PPM1H: variants seen among roughly 807,000 people sequenced by gnomAD.
The protein encoded by PPM1H is protein phosphatase 1H.
A neutral mutation model predicts 54.9 loss-of-function variants in PPM1H; 27 were observed. The ratio of observed to expected loss-of-function variants is 0.49; its 90% CI spans 0.36 to 0.68. PPM1H has a LOEUF of 0.68. Among genes scored for constraint, PPM1H ranks in the 30% least tolerant of loss-of-function variants. The pLI, the probability that PPM1H is intolerant of heterozygous loss-of-function variation, is 0.00. For missense variants in PPM1H, 596 were observed against 667.8 expected, an observed-to-expected ratio of 0.89 and a Z score of 1.19; for synonymous variants, 305 against 270.8, an observed-to-expected ratio of 1.13 and a Z score of -1.24.
At chr12:62,739,570 G>T (rs2076370972) in intron 4 of PPM1H, among the ~76,000 whole-genome samples, 1 of 151,978 alleles carries the variant, frequency 6.6e-6, no homozygotes, top group South Asian at 2.1e-4. Flanking sequence ...TTTTCTGCAC[G>T]GCCCCTGAAT....
intron 1 of PPM1H, among the ~76,000 whole-genome samples, chr12:62,921,968 A>G (rs1871813699): frequency 6.6e-6 from 1 of 152,244 alleles, no homozygotes; most frequent in Admixed American, 6.5e-5. Context: ...CACATGCTGT[A>G]TTTATTAACT....
At chr12:62,861,773 C>T (rs189749205) in intron 1 of PPM1H, among the ~76,000 whole-genome samples, 1 of 152,312 alleles carries the variant, frequency 6.6e-6, no homozygotes, top group Non-Finnish European at 1.5e-5. Flanking sequence ...ATCTAGGGCA[C>T]CGTGGTGCTT....
At chr12:62,820,918 A>T (rs2076899322) in intron 2 of PPM1H, among the ~76,000 whole-genome samples, 1 of 152,226 alleles carries the variant, frequency 6.6e-6, no homozygotes, top group African/African-American at 2.4e-5. Context: ...ATGGAGAATG[A>T]CTTTGACAAG....
chr12:62,692,220 C>G (rs1370281279), intron 7 of PPM1H, among the ~76,000 whole-genome samples: 1 of 152,110 alleles, frequency 6.6e-6, no homozygotes, highest in African/African-American at 2.4e-5. Flanking sequence ...GTGGTATCTA[C>G]CAACAAAAGC....
At chr12:62,661,786 A>C (rs1348081095) in intron 9 of PPM1H, among the ~76,000 whole-genome samples, 1 of 152,114 alleles carries the variant, frequency 6.6e-6, no homozygotes, top group Non-Finnish European at 1.5e-5. Flanking sequence ...ACTCAAGCTT[A>C]AGCCATCTTC....
rs181931702 is a variant in PPM1H at position 62,646,259 on chromosome 12, A to T, written c.*2230T>A. ...TCTAGAGTTATTCCTGAGACGTGCC[A>T]TAGCAGTAAATGAATTGGTGAATTG... On this transcript the variant is annotated 3_prime_UTR_variant, in exon 10 of 10. Transcript: ENST00000228705. 2 of 152,356 alleles carry T rather than the reference A, an allele frequency of 1.3e-5. No individual in the cohort carries two copies. The highest frequency in any genetic ancestry group is 3.9e-4 in the East Asian group (2 of 5,186). The allele number at this position is 152,356 out of a possible 1,614,324, so 9.4% of individuals were successfully genotyped here. A position where few individuals can be genotyped will look rare whatever the true frequency, so the allele number is the denominator to read the frequency against.
intron 5 of PPM1H, among the ~76,000 whole-genome samples, chr12:62,724,002 A>G (rs1365166601): frequency 6.6e-6 from 1 of 152,160 alleles, no homozygotes; most frequent in Admixed American, 6.6e-5. Flanking sequence ...AAAATAGATC[A>G]TTAAGACCCG....
intron 6 of PPM1H, among the ~76,000 whole-genome samples, chr12:62,712,125 G>A (rs1263052876): frequency 6.6e-6 from 1 of 152,164 alleles, no homozygotes; most frequent in Non-Finnish European, 1.5e-5. Flanking sequence ...CCCATGTGGG[G>A]CTGACCCATT....
Position 62,832,095 on chromosome 12 carries a change from G to C in PPM1H, c.411+19C>G. 1 of 1,611,770 alleles carries C rather than the reference G, an allele frequency of 6.2e-7. No homozygotes were observed. ...GCCATTCTTCTCACCTGAGAACCAAGGATCGAGAAGGGTCTTACCGAGTTC... is the reference window on the plus strand; with the variant it reads ...GCCATTCTTCTCACCTGAGAACCAACGATCGAGAAGGGTCTTACCGAGTTC... On this transcript the variant is annotated intron_variant, in intron 2 of 9. Transcript: ENST00000228705.
intron 2 of PPM1H, among the ~76,000 whole-genome samples, chr12:62,806,640 C>T (rs1176510787): frequency 6.6e-6 from 1 of 152,094 alleles, no homozygotes; most frequent in African/African-American, 2.4e-5. Context: ...GTGTGTAGCA[C>T]CTCCCCCTTC....
rs563984585 is a variant in PPM1H at position 62,799,382 on chromosome 12, C to A, written c.756+2434G>T. Among the ~76,000 whole-genome samples, 4 of 152,264 alleles carry A rather than the reference C, an allele frequency of 2.6e-5. No individual in the cohort carries two copies. The South Asian group carries it at 8.3e-4, about 32-fold the overall frequency. ...AAAAGATGTCCTGTGGCACTAGTCA[C>A]AACTGAAGGAAATGAAAATCTCAAC... On this transcript the variant is annotated intron_variant, in intron 3 of 9. Transcript: ENST00000228705.
intron 1 of PPM1H, among the ~76,000 whole-genome samples, chr12:62,900,639 G>A (rs372919432): frequency 1.3e-5 from 2 of 151,340 alleles, no homozygotes; most frequent in African/African-American, 4.9e-5. Context: ...AAACGAATGC[G>A]GGTGGAGGAG....
At chr12:62,708,380 C>A (rs1166723070) in intron 6 of PPM1H, among the ~76,000 whole-genome samples, 1 of 152,178 alleles carries the variant, frequency 6.6e-6, no homozygotes, top group Non-Finnish European at 1.5e-5. Context: ...GATGAAGAGG[C>A]CCCCAGGCCA....
intron 4 of PPM1H, among the ~76,000 whole-genome samples, chr12:62,756,411 A>G (rs2076475012): frequency 6.6e-6 from 1 of 151,862 alleles, no homozygotes; most frequent in African/African-American, 2.4e-5. Flanking sequence ...GTGTGCCATT[A>G]ATAAAGTCCC....
intron 2 of PPM1H, among the ~76,000 whole-genome samples, chr12:62,803,977 C>T (rs1246937541): frequency 1.3e-5 from 2 of 152,242 alleles, no homozygotes; most frequent in Non-Finnish European, 2.9e-5. Context: ...ACCATCGATA[C>T]CTTTCATAAA....
At chr12:62,771,311 CA>C (rs2076578699) in intron 4 of PPM1H, among the ~76,000 whole-genome samples, 2 of 151,098 alleles carry the variant, frequency 1.3e-5, no homozygotes, top group South Asian at 4.2e-4. Context: ...CACACACACA[CA>C]CACACACACA....
intron 2 of PPM1H, among the ~76,000 whole-genome samples, chr12:62,820,917 G>A (rs971093783): frequency 9.8e-5 from 15 of 152,312 alleles, no homozygotes; most frequent in African/African-American, 3.6e-4. Context: ...GATGGAGAAT[G>A]ACTTTGACAA....
chr12:62,737,217 T>TTA (rs2076354263), intron 5 of PPM1H, among the ~76,000 whole-genome samples: 1 of 134,310 alleles, frequency 7.4e-6, no homozygotes, highest in Non-Finnish European at 1.6e-5. Context: ...AAGAAGCCAT[T>TTA]AAAAAAAAAA....
At chr12:62,702,174 TA>T (rs1397002699) in intron 6 of PPM1H, among the ~76,000 whole-genome samples, 1 of 152,202 alleles carries the variant, frequency 6.6e-6, no homozygotes, top group East Asian at 1.9e-4. Context: ...CTACTTATAT[TA>T]AAATTTCAAG....
Sources: allele counts gnomAD v4.1 joint callset (sites outside exome capture counted in the v4.1 genomes callset), GRCh38; gene constraint gnomAD v4.1.1; transcripts MANE v1.5; gene names NCBI Gene and HGNC (gene_info 2026-07-23, HGNC 2026-07-21).